SH3RF3: variants seen among roughly 807,000 people sequenced by gnomAD.
SH3RF3 encodes SH3 domain containing ring finger 3, also known as E3 ubiquitin-protein ligase SH3RF3.
SH3RF3 carries 29 observed loss-of-function variants against 66.3 expected under a neutral mutation model. The ratio of observed to expected loss-of-function variants is 0.44; its 90% CI spans 0.33 to 0.60. The LOEUF is 0.60. Ranked by LOEUF, SH3RF3 falls within the 20% of genes least tolerant of loss-of-function variation. The probability of loss-of-function intolerance (pLI) is 0.04; values close to 1 mark genes in which losing one functional copy is unlikely to be tolerated. For missense variants in SH3RF3, 1,194 were observed against 1,190.9 expected, an observed-to-expected ratio of 1.00 and a Z score of -0.04; for synonymous variants, 583 against 532.0, an observed-to-expected ratio of 1.10 and a Z score of -1.32.
At chr2:109,238,379 T>C (rs1046058250) in intron 1 of SH3RF3, among the ~76,000 whole-genome samples, 2 of 152,160 alleles carry the variant, frequency 1.3e-5, no homozygotes, top group African/African-American at 4.8e-5. Flanking sequence ...GCATGACAGC[T>C]AGATTGTGGG....
rs369625855 is a variant in SH3RF3, at chr2:109,400,575, G to GCACACACA, written c.1299+1640_1299+1647dup. Among the ~76,000 whole-genome samples the GCACACACA allele has an allele frequency of 5.7e-4, 84 of 147,090 alleles. 1 individual carries two copies. The highest frequency in any genetic ancestry group is 1.0e-3 in the Admixed American group (15 of 14,978). On this transcript the variant is annotated intron_variant, in intron 4 of 9. Transcript: ENST00000309415. ...TACGTATACACATACACACCTGTGC[G>GCACACACA]CACACACACACACACTTGTGAACTT...
At chr2:109,317,374 G>A (rs1352400482) in intron 1 of SH3RF3, among the ~76,000 whole-genome samples, 1 of 152,100 alleles carries the variant, frequency 6.6e-6, no homozygotes, top group African/African-American at 2.4e-5. Flanking sequence ...GGGGGTGGAG[G>A]AGAGTCCAGA....
At chr2:109,429,576 G>C (rs1677132866) in intron 5 of SH3RF3, among the ~76,000 whole-genome samples, 1 of 152,028 alleles carries the variant, frequency 6.6e-6, no homozygotes, top group African/African-American at 2.4e-5. Context: ...CCCCATTCAG[G>C]ACCCCAGCCT....
chr2:109,329,257 T>C (rs1682229366), intron 1 of SH3RF3, among the ~76,000 whole-genome samples: 1 of 152,156 alleles, frequency 6.6e-6, no homozygotes, highest in African/African-American at 2.4e-5. Flanking sequence ...TGAAGCCTGG[T>C]TGATTGCTTC....
intron 2 of SH3RF3, among the ~76,000 whole-genome samples, chr2:109,361,101 T>C: frequency 6.6e-6 from 1 of 152,240 alleles, no homozygotes. Flanking sequence ...TTTTCTTCTT[T>C]AGCCTGTGGA....
rs113750216 is a variant in SH3RF3 at position 109,159,197 on chromosome 2, G to A, written c.573+29084G>A. On this transcript the variant is annotated intron_variant, in intron 1 of 9. Coordinates refer to ENST00000309415, the MANE Select transcript of SH3RF3 (RefSeq NM_001099289.3). ...TCAGGTACAGAGCAGGGTCTGAGCCGTGGTGCCAGGCTCTGCTTTGAGCTT... is the reference window on the plus strand; with the variant it reads ...TCAGGTACAGAGCAGGGTCTGAGCCATGGTGCCAGGCTCTGCTTTGAGCTT... Among the ~76,000 whole-genome samples, 999 of 152,326 alleles carry A rather than the reference G, an allele frequency of 6.6e-3. 10 individuals carry two copies. Among genetic ancestry groups the A allele is most frequent in the African/African-American group, 0.022 (935 of 41,570 alleles).
chr2:109,200,060 G>A (rs1483853745), intron 1 of SH3RF3, among the ~76,000 whole-genome samples: 2 of 152,138 alleles, frequency 1.3e-5, no homozygotes, highest in African/African-American at 4.8e-5. Flanking sequence ...AATGTCACCA[G>A]TGGCCAGGGT....
chr2:109,301,336 G>A (rs1471489833), intron 1 of SH3RF3, among the ~76,000 whole-genome samples: 2 of 51,330 alleles, frequency 3.9e-5, no homozygotes, highest in Non-Finnish European at 6.1e-5. Context: ...TCTGTGTGAC[G>A]TGTGTGTGTG....
At chr2:109,419,785 G>A (rs1160853728) in intron 5 of SH3RF3, 143 bp downstream of exon 5, 12 of 716,794 alleles carry the variant, frequency 1.7e-5, no homozygotes, top group Admixed American at 8.7e-5. Context: ...TAATAACACC[G>A]CTGAAGGGAG....
At chr2:109,270,510 G>A (rs776457408) in intron 1 of SH3RF3, among the ~76,000 whole-genome samples, 1 of 152,198 alleles carries the variant, frequency 6.6e-6, no homozygotes, top group Non-Finnish European at 1.5e-5. Flanking sequence ...GTGGACAGGA[G>A]GGTGAGTAGA....
chr2:109,232,914 C>T (rs981615810), intron 1 of SH3RF3, among the ~76,000 whole-genome samples: 4 of 152,192 alleles, frequency 2.6e-5, no homozygotes, highest in Admixed American at 6.5e-5. Context: ...CAAACAACTG[C>T]AGTTGAGTGA....
intron 1 of SH3RF3, among the ~76,000 whole-genome samples, chr2:109,191,979 C>T (rs1019370784): frequency 2.6e-5 from 4 of 152,144 alleles, no homozygotes; most frequent in Non-Finnish European, 5.9e-5. Context: ...CACACTCCAG[C>T]CCCTACAAAC....
chr2:109,432,986 G>T (rs1677283860), intron 6 of SH3RF3, among the ~76,000 whole-genome samples: 1 of 152,262 alleles, frequency 6.6e-6, no homozygotes, highest in Non-Finnish European at 1.5e-5. Context: ...TGAGGACAGT[G>T]TGTGCACATA....
rs140302038 is a variant in SH3RF3 at position 109,345,643 on chromosome 2, ATC to A, written c.574-2029_574-2028del. ...TTCAAAACTGCTCGCCTTGATGGATATCTAAGTGTCTCCATGTAGCCAATAGT... is the reference window on the plus strand; with the variant it reads ...TTCAAAACTGCTCGCCTTGATGGATATAAGTGTCTCCATGTAGCCAATAGT... On this transcript the variant is annotated intron_variant, in intron 1 of 9. Transcript: ENST00000309415. 4.5e-3 allele frequency among the ~76,000 whole-genome samples: 683 copies of A among 152,360 alleles called. 6 individuals are homozygous for A. The highest frequency in any genetic ancestry group is 0.016 in the African/African-American group (654 of 41,578).
At chr2:109,206,453 C>A (rs974746441) in intron 1 of SH3RF3, among the ~76,000 whole-genome samples, 1 of 139,254 alleles carries the variant, frequency 7.2e-6, no homozygotes, top group African/African-American at 2.7e-5. Flanking sequence ...ATCGTGCCAC[C>A]GCACTCCAGC....
At chr2:109,221,811 A>C (rs758219324) in intron 1 of SH3RF3, among the ~76,000 whole-genome samples, 1 of 152,154 alleles carries the variant, frequency 6.6e-6, no homozygotes, top group Non-Finnish European at 1.5e-5. Flanking sequence ...TTCTCAGAAA[A>C]CGAAAACTAG....
Position 109,197,782 on chromosome 2 carries a change from C to G in SH3RF3, c.573+67669C>G, listed in dbSNP as rs369604160. ...CTGCACTGGCCCTGCCTGAGGAAGC[C>G]TGGCATGAAATAGCAAATTAAAAAA... On this transcript the variant is annotated intron_variant, in intron 1 of 9. Coordinates refer to ENST00000309415, the MANE Select transcript of SH3RF3 (RefSeq NM_001099289.3). 3.3e-5 allele frequency among the ~76,000 whole-genome samples: 5 copies of G among 152,228 alleles called. No individual in the cohort carries two copies. The East Asian group carries it at 7.7e-4, about 23-fold the overall frequency.
intron 1 of SH3RF3, among the ~76,000 whole-genome samples, chr2:109,152,871 T>C (rs1362495399): frequency 6.6e-6 from 1 of 152,138 alleles, no homozygotes; most frequent in Middle Eastern, 3.2e-3. Context: ...TAAGAGTAAA[T>C]CTTAGTACTT....
At chr2:109,382,195 G>A (rs980750587) in intron 3 of SH3RF3, among the ~76,000 whole-genome samples, 1 of 152,178 alleles carries the variant, frequency 6.6e-6, no homozygotes, top group South Asian at 2.1e-4. Flanking sequence ...TTTCTTTGTA[G>A]CCCAGGAATT....
Sources: gnomAD v4.1 joint callset for allele counts (sites outside exome capture counted in the v4.1 genomes callset) on GRCh38, gnomAD v4.1.1 for gene constraint, MANE v1.5 for transcripts, NCBI Gene and HGNC (gene_info 2026-07-23, HGNC 2026-07-21) for gene names.